ADCY1: variants seen among roughly 807,000 people sequenced by gnomAD.
ADCY1 encodes the protein adenylate cyclase 1, also known as adenylate cyclase type 1.
Under a neutral mutation model 105.4 loss-of-function variants are expected in ADCY1, and 28 were observed. The ratio of observed to expected loss-of-function variants is 0.27; its 90% CI spans 0.20 to 0.36. ADCY1 has a LOEUF of 0.36. Among genes scored for constraint, ADCY1 ranks in the 10% least tolerant of loss-of-function variants. The probability of loss-of-function intolerance (pLI) is 1.00; values close to 1 mark genes in which losing one functional copy is unlikely to be tolerated. For synonymous variants in ADCY1, 655 were observed against 623.8 expected, an observed-to-expected ratio of 1.05 and a Z score of -0.75; for missense variants, 977 against 1,434.2, an observed-to-expected ratio of 0.68 and a Z score of 5.15.
In ADCY1 at chr7:45,686,277, A is replaced by G. The variant is rs981256220; in HGVS notation, c.2327+62A>G. The G allele has an allele frequency of 1.5e-5, 23 of 1,562,834 alleles. No individual in the cohort carries two copies. The highest frequency in any genetic ancestry group is 1.8e-5 in the Non-Finnish European group (21 of 1,152,424). On this transcript the variant is annotated intron_variant, in intron 13 of 19. Coordinates refer to ENST00000297323, the MANE Select transcript of ADCY1 (RefSeq NM_021116.4). This position sits in a 1 kb window ranked among gnomAD's most constrained non-coding sequence, Gnocchi z 4.3. ...GCGGTGCTACTGAATCTGTGTATACAGATATGCACTACAGGCTTCTGAGTC... is the reference window on the plus strand; with the variant it reads ...GCGGTGCTACTGAATCTGTGTATACGGATATGCACTACAGGCTTCTGAGTC...
chr7:45,626,988 G>A (rs1161095624), intron 4 of ADCY1, among the ~76,000 whole-genome samples: 8 of 152,206 alleles, frequency 5.3e-5, no homozygotes, highest in Admixed American at 5.2e-4. Flanking sequence ...GCAGGCACAA[G>A]GGGCTGGACC....
At chr7:45,594,876 A>G (rs941366675) in intron 2 of ADCY1, among the ~76,000 whole-genome samples, 7 of 151,742 alleles carry the variant, frequency 4.6e-5, no homozygotes, top group African/African-American at 1.7e-4. Flanking sequence ...CTTTATGTTT[A>G]TTTTTCCCCA....
At chr7:45,583,396 C>T (rs923871669) in intron 1 of ADCY1, among the ~76,000 whole-genome samples, 5 of 152,246 alleles carry the variant, frequency 3.3e-5, no homozygotes, top group African/African-American at 4.8e-5. Flanking sequence ...CCTCTGAGCC[C>T]TGCAGAGGAG....
chr7:45,690,528 T>C lies in ADCY1; in HGVS notation c.2454+3855T>C, dbSNP rs373863767. 1.1e-4 allele frequency among the ~76,000 whole-genome samples: 16 copies of C among 152,312 alleles called. No homozygotes were observed. The South Asian group carries it at 2.7e-3, about 26-fold the overall frequency. On this transcript the variant is annotated intron_variant, in intron 14 of 19. Coordinates refer to ENST00000297323, the MANE Select transcript of ADCY1 (RefSeq NM_021116.4). ...TACTGGCCCCTGCTCCCGCTCCCCA[T>C]TGGCCAAACCTGGCCGGAAGTAGGA... is the stretch of plus-strand genomic sequence containing the variant.
intron 8 of ADCY1, among the ~76,000 whole-genome samples, chr7:45,676,941 A>G (rs571923510): frequency 6.6e-6 from 1 of 151,820 alleles, no homozygotes; most frequent in East Asian, 1.9e-4. Flanking sequence ...GCTAGAAACA[A>G]CAGGCTTTTT....
intron 6 of ADCY1, among the ~76,000 whole-genome samples, chr7:45,659,167 G>C (rs566441319): frequency 6.6e-6 from 1 of 152,174 alleles, no homozygotes; most frequent in Non-Finnish European, 1.5e-5. Context: ...GAAAGGCCTC[G>C]TGATCTCCTG....
At chr7:45,623,120 T>C (rs1696007880) in intron 4 of ADCY1, among the ~76,000 whole-genome samples, 1 of 152,206 alleles carries the variant, frequency 6.6e-6, no homozygotes, top group African/African-American at 2.4e-5. Flanking sequence ...TGGGCTCTAC[T>C]GGAGCAGGCC....
rs1238528451 is a variant in ADCY1, at chr7:45,714,378, G to T, written c.*383G>T. On this transcript the variant is annotated 3_prime_UTR_variant, in exon 20 of 20. Coordinates refer to ENST00000297323, the MANE Select transcript of ADCY1 (RefSeq NM_021116.4). ...GGGTTACAGCAAGAGCCACTGAGGTGTGGCTGGCAGAGCAACTGAGGAGCT... is the reference window on the plus strand; with the variant it reads ...GGGTTACAGCAAGAGCCACTGAGGTTTGGCTGGCAGAGCAACTGAGGAGCT... 1 of 208,132 alleles carries T rather than the reference G, an allele frequency of 4.8e-6. No individual in the cohort carries two copies. Among genetic ancestry groups the T allele is most frequent in the Non-Finnish European group, 9.6e-6 (1 of 103,806 alleles). The allele number at this position is 208,132 out of a possible 1,614,324, so 12.9% of individuals were successfully genotyped here.
chr7:45,661,977 T>C, intron 7 of ADCY1, 82 bp from the exon 8 acceptor site: 1 of 1,518,944 alleles, frequency 6.6e-7, no homozygotes, highest in Admixed American at 1.8e-5. Context: ...TGGCTGTGTT[T>C]GTCAGGATGG....
Position 45,710,463 on chromosome 7 carries a change from T to C in ADCY1, c.2933-65T>C. 6.4e-7 allele frequency: 1 copy of C among 1,572,756 alleles called. No individual in the cohort carries two copies. Among genetic ancestry groups the C allele is most frequent in the Non-Finnish European group, 8.6e-7 (1 of 1,157,624 alleles). ...CAGGAGCAGCATCAGGTGCATTTGG[T>C]GGCCCTGGTGGGGTGAGTTACACTT... is the stretch of plus-strand genomic sequence containing the variant. On this transcript the variant is annotated intron_variant, in intron 18 of 19. Coordinates refer to ENST00000297323, the MANE Select transcript of ADCY1 (RefSeq NM_021116.4). This position sits in a 1 kb window ranked among gnomAD's most constrained non-coding sequence, Gnocchi z 4.7.
At chr7:45,625,454 TGA>T (rs776873749) in intron 4 of ADCY1, among the ~76,000 whole-genome samples, 23 of 152,172 alleles carry the variant, frequency 1.5e-4, no homozygotes, top group Non-Finnish European at 2.6e-4. Flanking sequence ...CATATGTGTG[TGA>T]GTGTGCACAT....
At chr7:45,602,496 C>T (rs1268763462) in intron 2 of ADCY1, among the ~76,000 whole-genome samples, 1 of 152,178 alleles carries the variant, frequency 6.6e-6, no homozygotes, top group African/African-American at 2.4e-5. Flanking sequence ...AAATAATATG[C>T]AGCTATTTAA....
chr7:45,706,512 A>AAAG lies in ADCY1; in HGVS notation c.2818-1837_2818-1836insAGA, dbSNP rs1554332713. ...ACATGCAAAAAAAAAAAAAAAAAAA[A>AAAG]AGAATATAGATGCAGACTTTACACC... On this transcript the variant is annotated intron_variant, in intron 17 of 19. Coordinates refer to ENST00000297323, the MANE Select transcript of ADCY1 (RefSeq NM_021116.4). Among the ~76,000 whole-genome samples the AAAG allele has an allele frequency of 1.6e-3, 219 of 135,472 alleles. 6 individuals are homozygous for AAAG. The highest frequency in any genetic ancestry group is 4.9e-3 in the African/African-American group (191 of 39,294). The allele number at this position is 135,472 out of a possible 152,430, so 88.9% of individuals were successfully genotyped here. A position where few individuals can be genotyped will look rare whatever the true frequency, so the allele number is the denominator to read the frequency against.
At position 45,638,477 on chromosome 7, in the gene ADCY1, G is replaced by T. The variant is rs111382859; in HGVS notation, c.1021-10193G>T. Among the ~76,000 whole-genome samples, 240 of 132,592 alleles carry T rather than the reference G, an allele frequency of 1.8e-3. 1 individual carries two copies. The highest frequency in any genetic ancestry group is 8.3e-3 in the Middle Eastern group (2 of 240). 87.0% of individuals were successfully genotyped at this position (132,592 alleles called of 152,430 possible). A position where few individuals can be genotyped will look rare whatever the true frequency, so the allele number is the denominator to read the frequency against. ...GTTCAAAATTGGAATGACCCAGTTT[G>T]CTCCTTTTTTTTTTTTTTTTTGTAT... On this transcript the variant is annotated intron_variant, in intron 4 of 19. Coordinates refer to ENST00000297323, the MANE Select transcript of ADCY1 (RefSeq NM_021116.4).
chr7:45,624,322 G>T (rs975686598), intron 4 of ADCY1, among the ~76,000 whole-genome samples: 2 of 151,862 alleles, frequency 1.3e-5, no homozygotes, highest in Non-Finnish European at 2.9e-5. Flanking sequence ...CACCTGGTTA[G>T]GGAGAGAGGT....
chr7:45,681,605 A>G (rs563635939), intron 11 of ADCY1, among the ~76,000 whole-genome samples: 137 of 152,320 alleles, frequency 9.0e-4, no homozygotes, highest in Non-Finnish European at 1.5e-3. Context: ...GAGGGGATTC[A>G]GCTCACAGCC....
intron 8 of ADCY1, among the ~76,000 whole-genome samples, chr7:45,663,622 CA>C (rs1795188664): frequency 2.0e-5 from 3 of 152,142 alleles, no homozygotes; most frequent in Admixed American, 2.0e-4. Flanking sequence ...AGTTCAAGAC[CA>C]GCCTGACCAA....
intron 2 of ADCY1, among the ~76,000 whole-genome samples, chr7:45,600,247 G>C (rs1227443133): frequency 6.6e-6 from 1 of 152,260 alleles, no homozygotes; most frequent in African/African-American, 2.4e-5. Context: ...TTAGGGAACT[G>C]GGCCCAGCTA....
intron 12 of ADCY1, 34 bp downstream of exon 12, chr7:45,685,102 C>A (rs780419621): frequency 4.4e-6 from 7 of 1,580,196 alleles, no homozygotes; most frequent in Non-Finnish European, 5.2e-6. Flanking sequence ...TGCGCTGGGG[C>A]GGGAGAGGGC....
Sources: gnomAD v4.1 joint callset for allele counts (sites outside exome capture counted in the v4.1 genomes callset) on GRCh38, gnomAD v4.1.1 for gene constraint, Gnocchi (gnomAD v3.1) non-coding constraint, MANE v1.5 for transcripts, NCBI Gene and HGNC (gene_info 2026-07-23, HGNC 2026-07-21) for gene names.